The following SOS2 variants were observed in gnomAD, a reference collection of about 807,000 sequenced individuals.
SOS2 encodes SOS Ras/Rho guanine nucleotide exchange factor 2, also known as son of sevenless homolog 2.
SOS2 carries 65 observed loss-of-function variants against 148.2 expected under a neutral mutation model. The ratio of observed to expected loss-of-function variants is 0.44; its 90% confidence interval spans 0.36 to 0.54. The LOEUF (loss-of-function observed/expected upper bound fraction) is 0.54. Ranked by LOEUF, SOS2 falls within the 20% of genes least tolerant of loss-of-function variation. SOS2 has a pLI of 0.00. For missense variants in SOS2, 1,341 were observed against 1,590.2 expected, an observed-to-expected ratio of 0.84 and a Z score of 2.67; for synonymous variants, 539 against 537.1, an observed-to-expected ratio of 1.00 and a Z score of -0.05.
At chr14:50,151,992 G>A (rs530488585) in intron 13 of SOS2, among the ~76,000 whole-genome samples, 11 of 152,020 alleles carry the variant, frequency 7.2e-5, no homozygotes, top group Non-Finnish European at 1.5e-4. Context: ...CCAAAGTGCT[G>A]GGATATTCTA....
At position 50,159,726 on chromosome 14, in the gene SOS2, C is replaced by G. The variant is rs1884935096; in HGVS notation, c.1557G>C (p.Glu519Asp). The G allele has an allele frequency of 1.2e-6, 2 of 1,613,792 alleles. No individual in the cohort carries two copies. The highest frequency in any genetic ancestry group is 1.7e-6 in the Non-Finnish European group (2 of 1,179,952). Reference sequence around the variant, plus strand: ...ACTTAGCAGCAAATATTATGCTGTTCTCATCTTTGGATACTAATTCAAATG... The same window carrying G: ...ACTTAGCAGCAAATATTATGCTGTTGTCATCTTTGGATACTAATTCAAATG... ...KHAFELVSKD[E>D]NSIIFAAKSA... Residue 519 changes from glutamate (E) to aspartate (D), a missense_variant, in exon 10 of 23, where the codon GAG becomes GAC. By Grantham distance (45) the Glu-to-Asp change is conservative. Coordinates refer to ENST00000216373, the MANE Select transcript of SOS2 (RefSeq NM_006939.4).
At chr14:50,231,681 C>G (rs1361402283), upstream of SOS2, 1 of 161,086 alleles carries the variant, frequency 6.2e-6, no homozygotes, top group Non-Finnish European at 1.3e-5. Flanking sequence ...CGGTGAGCAG[C>G]GGCGGCGGCG....
chr14:50,202,625 C>T (rs1159564529), intron 2 of SOS2, among the ~76,000 whole-genome samples: 1 of 152,096 alleles, frequency 6.6e-6, no homozygotes, highest in Non-Finnish European at 1.5e-5. Flanking sequence ...GTCCCAGCTA[C>T]TTGGAAGGCT....
At chr14:50,180,729 T>C (rs1885706388) in intron 6 of SOS2, 47 bp from the exon 7 acceptor site, 1 of 1,059,122 alleles carries the variant, frequency 9.4e-7, no homozygotes, top group Non-Finnish European at 1.4e-6. Flanking sequence ...AAGAATATAT[T>C]TTCTACCAAT....
At chr14:50,219,135 C>T (rs945868836) in intron 1 of SOS2, among the ~76,000 whole-genome samples, 1 of 151,878 alleles carries the variant, frequency 6.6e-6, no homozygotes. Flanking sequence ...AGTTAAGCAT[C>T]CACCTACTAT....
intron 5 of SOS2, among the ~76,000 whole-genome samples, chr14:50,187,638 T>C (rs1885959774): frequency 6.6e-6 from 1 of 152,144 alleles, no homozygotes; most frequent in South Asian, 2.1e-4. Context: ...CGTGAGCCAC[T>C]GCACCCGGTC....
Position 50,174,514 on chromosome 14 carries a change from G to T in SOS2, c.1008C>A (p.Val336=). The T allele has an allele frequency of 6.2e-7, 1 of 1,609,824 alleles. No homozygotes were observed. The highest frequency in any genetic ancestry group is 8.5e-7 in the Non-Finnish European group (1 of 1,177,218). ...ADGFKEAVRY[V]LPRLMLVPVY... is the part of the protein sequence containing the mutation. The stretch of plus-strand genomic sequence containing the variant: ...CTGGCACCAGCATAAGACGTGGAAG[G>T]ACATAACGAACTGCCTCTTTAAAAC... Residue 336 remains valine (V), a synonymous_variant, in exon 8 of 23, where the codon GTC becomes GTA. Coordinates refer to ENST00000216373, the MANE Select transcript of SOS2 (RefSeq NM_006939.4).
chr14:50,161,191 G>A (rs1297758575), intron 9 of SOS2, among the ~76,000 whole-genome samples: 1 of 150,622 alleles, frequency 6.6e-6, no homozygotes, highest in African/African-American at 2.4e-5. Flanking sequence ...TACTTGGGAG[G>A]CGAAGGCAGG....
At chr14:50,151,013 G>A (rs1179868318) in intron 13 of SOS2, among the ~76,000 whole-genome samples, 2 of 151,962 alleles carry the variant, frequency 1.3e-5, no homozygotes, top group Non-Finnish European at 2.9e-5. Flanking sequence ...GTGAGCCACC[G>A]CGCCTGGCCT....
chr14:50,157,189 A>G (rs1884849481), intron 11 of SOS2, 68 bp from the exon 12 acceptor site: 2 of 1,545,976 alleles, frequency 1.3e-6, no homozygotes, highest in African/African-American at 1.4e-5. Flanking sequence ...GAAAACAGCA[A>G]GCAACCTTCT....
intron 1 of SOS2, among the ~76,000 whole-genome samples, chr14:50,218,139 C>CA (rs951095318): frequency 0.045 from 2,351 of 52,130 alleles, 57 homozygotes; most frequent in African/African-American, 0.12. Flanking sequence ...CTCTTAAAAA[C>CA]AAAAAAAAAA....
At chr14:50,140,959 C>T (rs1884256215) in intron 16 of SOS2, among the ~76,000 whole-genome samples, 2 of 151,998 alleles carry the variant, frequency 1.3e-5, no homozygotes, top group African/African-American at 2.4e-5. Flanking sequence ...AATCCCAGCA[C>T]TTTGGGAGGC....
intron 6 of SOS2, among the ~76,000 whole-genome samples, chr14:50,181,174 C>T (rs1885722679): frequency 6.6e-6 from 1 of 151,986 alleles, no homozygotes; most frequent in East Asian, 1.9e-4. Context: ...TATGACTGGG[C>T]GCGGTGGCTC....
chr14:50,176,319 T>C (rs1885521731), intron 7 of SOS2, among the ~76,000 whole-genome samples: 1 of 152,262 alleles, frequency 6.6e-6, no homozygotes, highest in African/African-American at 2.4e-5. Context: ...CAGTTTATGA[T>C]ATTTTATTAG....
intron 14 of SOS2, among the ~76,000 whole-genome samples, chr14:50,146,714 G>A (rs10130985): frequency 0.86 from 131,048 of 152,192 alleles, 56,539 homozygotes; most frequent in East Asian, 0.92. Flanking sequence ...AGCATTATTT[G>A]CAAGAGTGAA....
chr14:50,184,740 G>A (rs117106970), intron 5 of SOS2, among the ~76,000 whole-genome samples: 4,715 of 152,002 alleles, frequency 0.031, 99 homozygotes, highest in Non-Finnish European at 0.05. Context: ...GTATGTGCCT[G>A]TAGTCCCAGC....
intron 13 of SOS2, among the ~76,000 whole-genome samples, chr14:50,152,184 T>C (rs76760287): frequency 0.024 from 3,724 of 152,326 alleles, 147 homozygotes; most frequent in African/African-American, 0.083. Flanking sequence ...ACACTTGTTA[T>C]AGTATTTGTA....
chr14:50,176,717 C>T (rs1390956060), intron 7 of SOS2, among the ~76,000 whole-genome samples: 4 of 152,166 alleles, frequency 2.6e-5, no homozygotes, highest in Non-Finnish European at 4.4e-5. Flanking sequence ...GGTAACACAA[C>T]CATTAACTGG....
intron 2 of SOS2, 44 bp downstream of exon 2, chr14:50,204,240 T>C (rs1357499855): frequency 8.0e-7 from 1 of 1,250,628 alleles, no homozygotes; most frequent in Admixed American, 2.5e-5. Flanking sequence ...AATTAATTCA[T>C]ACAGTGGTTG....
Sources: gnomAD v4.1 joint callset for allele counts (sites outside exome capture counted in the v4.1 genomes callset) on GRCh38, gnomAD v4.1.1 for gene constraint, MANE v1.5 for transcripts, NCBI Gene and HGNC (gene_info 2026-07-23, HGNC 2026-07-21) for gene names.